Variants in TNFRSF1B observed in about 807,000 individuals in gnomAD.
The protein encoded by TNFRSF1B is tumor necrosis factor receptor superfamily member 1B.
In TNFRSF1B, 19 loss-of-function variants were observed where a neutral mutation model predicts 44.6. The ratio of observed to expected loss-of-function variants is 0.43; its 90% CI spans 0.30 to 0.62. The LOEUF (loss-of-function observed/expected upper bound fraction) is 0.62. Among genes scored for constraint, TNFRSF1B ranks in the 20% least tolerant of loss-of-function variants. The pLI is 0.16. For missense variants in TNFRSF1B, 541 were observed against 619.9 expected (o/e 0.87, Z 1.35); for synonymous variants, 252 against 261.1 (o/e 0.97, Z 0.34).
chr1:12,206,828 C>T lies in TNFRSF1B; in HGVS notation c.1194C>T (p.Ser398=). 1 of 1,614,222 alleles carries T rather than the reference C, an allele frequency of 6.2e-7. No individual in the cohort carries two copies. The highest frequency in any genetic ancestry group is 2.2e-5 in the East Asian group (1 of 44,884). ...GCTCTGACCACAGCTCACAGTGCTC[C>T]TCCCAAGCCAGCTCCACAATGGGAG... ...CSSSDHSSQC[S]SQASSTMGDT... Residue 398 remains serine, a synonymous_variant, in exon 10 of 10, where the codon TCC becomes TCT. Coordinates refer to ENST00000376259, the MANE Select transcript of TNFRSF1B (RefSeq NM_001066.3).
At chr1:12,193,902 G>A (rs1383470047) in intron 6 of TNFRSF1B, 53 bp from the exon 7 acceptor site, 2 of 1,508,166 alleles carry the variant, frequency 1.3e-6, no homozygotes, top group African/African-American at 2.8e-5. Flanking sequence ...GCTGGCCCCT[G>A]GTACATTTGA....
At chr1:12,192,548 C>G in intron 5 of TNFRSF1B, 24 bp downstream of exon 5, 1 of 1,610,290 alleles carries the variant, frequency 6.2e-7, no homozygotes, top group South Asian at 1.1e-5. Flanking sequence ...TCCTTTGGTT[C>G]TGGAGGAGCA....
chr1:12,197,021 C>T (rs1277268499), intron 8 of TNFRSF1B, among the ~76,000 whole-genome samples: 1 of 151,342 alleles, frequency 6.6e-6, no homozygotes, highest in Non-Finnish European at 1.5e-5. Context: ...CCTCTTGGCT[C>T]ACTGCAGCCT....
At position 12,168,741 on chromosome 1, in the gene TNFRSF1B, C is replaced by A. The variant is rs931604513; in HGVS notation, c.78+1572C>A. On this transcript the variant is annotated intron_variant, in intron 1 of 9. Coordinates refer to ENST00000376259, the MANE Select transcript of TNFRSF1B (RefSeq NM_001066.3). The surrounding 1 kb of genome is among the most constrained non-coding windows in gnomAD (Gnocchi z 4.7). ...AGCTCATATTCCCTCCTCCCTCATCCCTGCTCCCCACGACCCCACCCGGAC... is the reference window on the plus strand; with the variant it reads ...AGCTCATATTCCCTCCTCCCTCATCACTGCTCCCCACGACCCCACCCGGAC... 6.6e-6 allele frequency among the ~76,000 whole-genome samples: 1 copy of A among 152,168 alleles called. No individual in the cohort carries two copies. Among genetic ancestry groups the A allele is most frequent in the Admixed American group, 6.5e-5 (1 of 15,282 alleles).
intron 5 of TNFRSF1B, 37 bp from the exon 6 acceptor site, chr1:12,192,826 C>T: frequency 6.4e-7 from 1 of 1,568,990 alleles, no homozygotes; most frequent in Non-Finnish European, 8.7e-7. Context: ...CCACTCTGTC[C>T]CCTGCTGCCT....
At chr1:12,183,890 G>T (rs890716268) in intron 1 of TNFRSF1B, among the ~76,000 whole-genome samples, 2 of 150,938 alleles carry the variant, frequency 1.3e-5, no homozygotes, top group African/African-American at 2.4e-5. Flanking sequence ...CATCCTCTCC[G>T]ATTCCCTCAC....
At chr1:12,174,525 G>A (rs1638609834) in intron 1 of TNFRSF1B, among the ~76,000 whole-genome samples, 1 of 152,216 alleles carries the variant, frequency 6.6e-6, no homozygotes, top group South Asian at 2.1e-4. Flanking sequence ...TGGAATTACA[G>A]GCGTGAGCCA....
rs1220206679 is a variant in TNFRSF1B, at chr1:12,208,306, C to T, written c.*1286C>T. ...CTACCTCAGCCTAGACCCTCCTCCT[C>T]CCCCAGAGGGGTGGGTTCCTCTTCC... is the stretch of plus-strand genomic sequence containing the variant. On this transcript the variant is annotated 3_prime_UTR_variant, in exon 10 of 10. Coordinates refer to ENST00000376259, the MANE Select transcript of TNFRSF1B (RefSeq NM_001066.3). 1 of 152,784 alleles carries T rather than the reference C, an allele frequency of 6.5e-6. No individual in the cohort carries two copies. Among genetic ancestry groups the T allele is most frequent in the Non-Finnish European group, 1.5e-5 (1 of 68,124 alleles). The allele number at this position is 152,784 out of a possible 1,614,324, so 9.5% of individuals were successfully genotyped here.
intron 9 of TNFRSF1B, among the ~76,000 whole-genome samples, chr1:12,203,279 G>A (rs2101126396): frequency 6.6e-6 from 1 of 152,316 alleles, no homozygotes; most frequent in South Asian, 2.1e-4. Context: ...TGCCAGGGCT[G>A]GTGAGAGATG....
chr1:12,188,981 G>A (rs1257548260), intron 2 of TNFRSF1B, 86 bp downstream of exon 2: 1 of 1,163,540 alleles, frequency 8.6e-7, no homozygotes, highest in Non-Finnish European at 1.2e-6. Flanking sequence ...CATAGCCCTT[G>A]ATTCTTACTG....
chr1:12,200,813 G>A (rs1260121048), intron 8 of TNFRSF1B, among the ~76,000 whole-genome samples: 1 of 151,996 alleles, frequency 6.6e-6, no homozygotes, highest in Admixed American at 6.6e-5. Context: ...TAGAGACGGG[G>A]TTTTGCCATG....
chr1:12,176,572 G>A (rs572727610), intron 1 of TNFRSF1B, among the ~76,000 whole-genome samples: 2 of 152,316 alleles, frequency 1.3e-5, no homozygotes, highest in Non-Finnish European at 2.9e-5. Context: ...GCTAAGAGGG[G>A]AGGAGTGTGG....
intron 9 of TNFRSF1B, 63 bp from the exon 10 acceptor site, chr1:12,206,677 G>A: frequency 1.3e-6 from 2 of 1,484,998 alleles, no homozygotes; most frequent in Non-Finnish European, 9.0e-7. Context: ...ATCTTGGGCA[G>A]GGGTCCCTGG....
chr1:12,173,614 GC>G (rs1417559287), intron 1 of TNFRSF1B, among the ~76,000 whole-genome samples: 1 of 152,208 alleles, frequency 6.6e-6, no homozygotes, highest in Non-Finnish European at 1.5e-5. Context: ...GGCAGGCGCT[GC>G]AGAGCCTGCT....
At chr1:12,189,195 C>G (rs1639055502) in intron 2 of TNFRSF1B, among the ~76,000 whole-genome samples, 1 of 152,116 alleles carries the variant, frequency 6.6e-6, no homozygotes, top group African/African-American at 2.4e-5. Context: ...GGAGGAGGAG[C>G]CTAAATTAGC....
chr1:12,204,209 A>C (rs747940347), intron 9 of TNFRSF1B, among the ~76,000 whole-genome samples: 8 of 141,046 alleles, frequency 5.7e-5, no homozygotes, highest in Non-Finnish European at 7.7e-5. Context: ...CACCCCTAAC[A>C]CCTCCCTCCA....
At chr1:12,189,217 TCAGGGAGGGCTGCCTGGAGGAGG>T (rs986406272) in intron 2 of TNFRSF1B, among the ~76,000 whole-genome samples, 3 of 151,476 alleles carry the variant, frequency 2.0e-5, no homozygotes, top group African/African-American at 7.3e-5. Flanking sequence ...CCTGGGGGAG[TCAGGGAGGGCTGCCTGGAGGAGG>T]CAGCACTCAG....
In TNFRSF1B at chr1:12,191,813, G is replaced by A. The variant is rs746004548; in HGVS notation, c.347G>A (p.Arg116His). Residue 116 changes from arginine (R) to histidine (H), a missense_variant, in exon 4 of 10, where the codon CGC becomes CAC. Coordinates refer to ENST00000376259, the MANE Select transcript of TNFRSF1B (RefSeq NM_001066.3). ...ETQACTREQN[R>H]ICTCRPGWYC... ...CAAGCCTGCACTCGGGAACAGAACC[G>A]CATCTGCACCTGCAGGCCCGGCTGG... 2.5e-6 allele frequency: 4 copies of A among 1,613,456 alleles called. No individual in the cohort carries two copies. The highest frequency in any genetic ancestry group is 1.7e-5 in the Admixed American group (1 of 60,014).
rs1382905383 is a variant in TNFRSF1B at position 12,199,066 on chromosome 1, C to T, written c.901-2901C>T. Among the ~76,000 whole-genome samples, 3 of 152,144 alleles carry T rather than the reference C, an allele frequency of 2.0e-5. No homozygotes were observed. Among genetic ancestry groups the T allele is most frequent in the East Asian group, 3.9e-4 (2 of 5,182 alleles). On this transcript the variant is annotated intron_variant, in intron 8 of 9. Coordinates refer to ENST00000376259, the MANE Select transcript of TNFRSF1B (RefSeq NM_001066.3). This position sits in a 1 kb window ranked among gnomAD's most constrained non-coding sequence, Gnocchi z 4.0. Reference sequence around the variant, plus strand: ...GGGTCCCAGCCCAAGGAATAGGACTCAGCCTGCTTCTGTGCCACCTGGGGC... The same window carrying T: ...GGGTCCCAGCCCAAGGAATAGGACTTAGCCTGCTTCTGTGCCACCTGGGGC...
Sources: allele counts gnomAD v4.1 joint callset (sites outside exome capture counted in the v4.1 genomes callset), GRCh38; gene constraint gnomAD v4.1.1; non-coding constraint Gnocchi (gnomAD v3.1); transcripts MANE v1.5; gene names NCBI Gene and HGNC (gene_info 2026-07-23, HGNC 2026-07-21).